TUBGCP3: variants seen among roughly 807,000 people sequenced by gnomAD.
TUBGCP3 encodes gamma-tubulin complex component 3.
A neutral mutation model predicts 123.1 loss-of-function variants in TUBGCP3; 50 were observed. The observed-to-expected ratio is 0.41, with a 90% CI of 0.32 to 0.51. The LOEUF is 0.51. TUBGCP3 is among the 20% of genes least tolerant of loss of function. TUBGCP3 has a pLI of 0.36. For synonymous variants in TUBGCP3, 405 were observed against 413.9 expected, an observed-to-expected ratio of 0.98 and a Z score of 0.26; for missense variants, 882 against 1,127.0, an observed-to-expected ratio of 0.78 and a Z score of 3.11.
rs571911938 is a variant in TUBGCP3, at chr13:112,587,483, A to G, written c.76+422T>C. 7 of 171,370 alleles carry G rather than the reference A, an allele frequency of 4.1e-5. No individual in the cohort carries two copies. The East Asian group carries it at 7.1e-4, about 17-fold the overall frequency. The allele number at this position is 171,370 out of a possible 1,614,324, so 10.6% of individuals were successfully genotyped here. On this transcript the variant is annotated intron_variant, in intron 1 of 21. Coordinates refer to ENST00000261965, the MANE Select transcript of TUBGCP3 (RefSeq NM_006322.6). ...TCTCTCCACCCCACAGGATGAACCC[A>G]AAGGCGCGCAGAGGCGCCCTCCCAC...
rs8001880 is a variant in TUBGCP3, at chr13:112,545,418, T to C, written c.1335+281A>G. On this transcript the variant is annotated intron_variant, in intron 11 of 21. Coordinates refer to ENST00000261965, the MANE Select transcript of TUBGCP3 (RefSeq NM_006322.6). The surrounding 1 kb of genome is among the most constrained non-coding windows in gnomAD (Gnocchi z 4.1). ...CCAAGACTCAGGAGGCCTCGTCCTG[T>C]TTTGCCATCCACGTGCTAGTAAACT... The C allele has an allele frequency of 0.28, 100,887 of 363,060 alleles. 15,158 individuals are homozygous for C. The highest frequency in any genetic ancestry group is 0.43 in the African/African-American group (21,268 of 49,704). 22.5% of individuals were successfully genotyped at this position (363,060 alleles called of 1,614,324 possible).
At chr13:112,530,524 G>A (rs1458328722) in intron 11 of TUBGCP3, among the ~76,000 whole-genome samples, 1 of 152,210 alleles carries the variant, frequency 6.6e-6, no homozygotes, top group African/African-American at 2.4e-5. Flanking sequence ...CAGAAACTTA[G>A]CATCCTCGGG....
At chr13:112,492,310 T>C (rs1014100820) in intron 20 of TUBGCP3, among the ~76,000 whole-genome samples, 1 of 152,224 alleles carries the variant, frequency 6.6e-6, no homozygotes, top group Non-Finnish European at 1.5e-5. Flanking sequence ...TTTACACTAC[T>C]TCCCATCTTT....
chr13:112,540,894 T>C (rs1878466879), intron 11 of TUBGCP3, among the ~76,000 whole-genome samples: 1 of 152,344 alleles, frequency 6.6e-6, no homozygotes, highest in Non-Finnish European at 1.5e-5. Flanking sequence ...GATTTGAATA[T>C]TATACTCAAT....
chr13:112,562,403 G>A (rs1417187523), intron 3 of TUBGCP3, among the ~76,000 whole-genome samples: 1 of 152,240 alleles, frequency 6.6e-6, no homozygotes, highest in African/African-American at 2.4e-5. Flanking sequence ...GCAGGGTCCA[G>A]GAGGGCCCAA....
intron 17 of TUBGCP3, among the ~76,000 whole-genome samples, chr13:112,507,217 G>A (rs918787154): frequency 6.6e-6 from 1 of 152,146 alleles, no homozygotes. Flanking sequence ...CACATGCCAC[G>A]ACTCGCGGGT....
At chr13:112,554,657 A>G (rs571652032) in intron 7 of TUBGCP3, among the ~76,000 whole-genome samples, 1 of 152,344 alleles carries the variant, frequency 6.6e-6, no homozygotes, top group African/African-American at 2.4e-5. Flanking sequence ...GGGCAGCCCC[A>G]TCAGTAGACG....
At chr13:112,586,783 G>A (rs1239154413) in intron 1 of TUBGCP3, among the ~76,000 whole-genome samples, 2 of 152,228 alleles carry the variant, frequency 1.3e-5, no homozygotes, top group South Asian at 4.1e-4. Flanking sequence ...CCAGCACTTA[G>A]CACAGTTCCC....
At chr13:112,518,626 C>A (rs993146673) in intron 16 of TUBGCP3, among the ~76,000 whole-genome samples, 43 of 152,124 alleles carry the variant, frequency 2.8e-4, no homozygotes, top group African/African-American at 1.0e-3. Context: ...AAATATGATT[C>A]CCCTAAAATA....
Position 112,554,904 on chromosome 13 carries a change from A to C in TUBGCP3, c.823T>G (p.Tyr275Asp). 6.2e-7 allele frequency: 1 copy of C among 1,607,006 alleles called. No individual in the cohort carries two copies. The highest frequency in any genetic ancestry group is 8.5e-7 in the Non-Finnish European group (1 of 1,177,452). ...NIKMNNTENCYKVEGKANLSR... is the reference protein window; with the variant it reads ...NIKMNNTENCDKVEGKANLSR... ...TACTGTACCTTTCCTTCTACTTTGTAACAATTTTCAGTGTTGTTCATTTTG... is the reference window on the plus strand; with the variant it reads ...TACTGTACCTTTCCTTCTACTTTGTCACAATTTTCAGTGTTGTTCATTTTG... The change falls in exon 7 of 22, where the codon TAC (tyrosine) becomes GAC (aspartate). Residue 275 changes from tyrosine to aspartate, a missense_variant. Physicochemically the swap from Tyr to Asp is radical, Grantham distance 160. Coordinates refer to ENST00000261965, the MANE Select transcript of TUBGCP3 (RefSeq NM_006322.6).
In TUBGCP3 at chr13:112,519,800, C is replaced by A; in HGVS notation, c.1881+86G>T. The A allele has an allele frequency of 6.7e-7, 1 of 1,483,362 alleles. No homozygotes were observed. The highest frequency in any genetic ancestry group is 9.0e-7 in the Non-Finnish European group (1 of 1,116,012). The allele number at this position is 1,483,362 out of a possible 1,614,324, so 91.9% of individuals were successfully genotyped here. A position where few individuals can be genotyped will look rare whatever the true frequency, so the allele number is the denominator to read the frequency against. ...AGATAACGGCTAGCTGTGCCTGAAACAACATGGAAAACACTCGCTAGAACA... is the reference window on the plus strand; with the variant it reads ...AGATAACGGCTAGCTGTGCCTGAAAAAACATGGAAAACACTCGCTAGAACA... On this transcript the variant is annotated intron_variant, in intron 15 of 21. Transcript: ENST00000261965. This position sits in a 1 kb window ranked among gnomAD's most constrained non-coding sequence, Gnocchi z 6.2.
intron 9 of TUBGCP3, 85 bp downstream of exon 9, chr13:112,548,023 T>C: frequency 9.4e-7 from 1 of 1,059,156 alleles, no homozygotes; most frequent in Non-Finnish European, 1.3e-6. Context: ...AAGTAATGTA[T>C]GAAGGAACTT....
rs576884029 is a variant in TUBGCP3 at position 112,492,118 on chromosome 13, A to T, written c.2449-2421T>A. 2.0e-5 allele frequency among the ~76,000 whole-genome samples: 3 copies of T among 152,256 alleles called. No individual in the cohort carries two copies. In the South Asian group the frequency reaches 6.2e-4, roughly 32 times the overall value. Reference sequence around the variant, plus strand: ...TAAAACATATCATCTTCTTCTTTGGATGGTATCAATACTCTAATCTGGGCA... The same window carrying T: ...TAAAACATATCATCTTCTTCTTTGGTTGGTATCAATACTCTAATCTGGGCA... On this transcript the variant is annotated intron_variant, in intron 20 of 21. Transcript: ENST00000261965.
intron 14 of TUBGCP3, among the ~76,000 whole-genome samples, chr13:112,520,363 T>G (rs529988527): frequency 6.6e-6 from 1 of 152,202 alleles, no homozygotes; most frequent in African/African-American, 2.4e-5. Flanking sequence ...ATCCTATCTC[T>G]ACTAAAAATA....
At chr13:112,542,862 G>C (rs186132970) in intron 11 of TUBGCP3, among the ~76,000 whole-genome samples, 1 of 152,278 alleles carries the variant, frequency 6.6e-6, no homozygotes, top group South Asian at 2.1e-4. Flanking sequence ...GCTTAAGAGT[G>C]TAGGGCCAGG....
chr13:112,595,897 G>C, the TUBGCP3 span, among the ~76,000 whole-genome samples: 10 of 151,900 alleles, frequency 6.6e-5, no homozygotes, highest in Non-Finnish European at 1.3e-4. Context: ...GCTTTCCTGT[G>C]AATTATTTGA....
In TUBGCP3 at chr13:112,545,701, C is replaced by T; in HGVS notation, c.1333G>A (p.Glu445Lys). 6.2e-7 allele frequency: 1 copy of T among 1,611,318 alleles called. No individual in the cohort carries two copies. The highest frequency in any genetic ancestry group is 8.5e-7 in the Non-Finnish European group (1 of 1,177,568). Reference sequence around the variant, plus strand: ...CAGAACCGAACACCGATCCTTACTTCGTGGTAAGTGTCCTCAAGCTCCCCA... The same window carrying T: ...CAGAACCGAACACCGATCCTTACTTTGTGGTAAGTGTCCTCAAGCTCCCCA... ...YDGELEDTYH[E>K]FFVASDPTVK... The change falls in exon 11 of 22, where the codon GAA (glutamate) becomes AAA (lysine). Residue 445 changes from glutamate to lysine, a missense_variant and splice_region_variant. Around this residue, in one of 3 missense-constraint regions of TUBGCP3, gnomAD observed 713 missense variants for 874.0 expected, o/e 0.82. Transcript: ENST00000261965. The surrounding 1 kb of genome is among the most constrained non-coding windows in gnomAD (Gnocchi z 4.1).
At chr13:112,534,726 C>A (rs1032778467) in intron 11 of TUBGCP3, among the ~76,000 whole-genome samples, 1 of 152,166 alleles carries the variant, frequency 6.6e-6, no homozygotes, top group Non-Finnish European at 1.5e-5. Flanking sequence ...GCTACCGTAG[C>A]CGGCATCCCT....
chr13:112,497,368 C>T (rs534012581), intron 20 of TUBGCP3, among the ~76,000 whole-genome samples: 20 of 152,260 alleles, frequency 1.3e-4, no homozygotes, highest in Admixed American at 9.2e-4. Context: ...TACCAAAATT[C>T]GCTTTGAATG....
Sources: allele counts gnomAD v4.1 joint callset (sites outside exome capture counted in the v4.1 genomes callset), GRCh38; gene constraint gnomAD v4.1.1; regional missense constraint gnomAD v4.1.1; non-coding constraint Gnocchi (gnomAD v3.1); transcripts MANE v1.5; gene names NCBI Gene and HGNC (gene_info 2026-07-23, HGNC 2026-07-21).